MYCT1: variants seen among roughly 807,000 people sequenced by gnomAD.
The protein encoded by MYCT1 is MYC target 1, also known as myc target protein 1.
MYCT1 carries 12 observed loss-of-function variants against 15.0 expected under a neutral mutation model. The ratio of observed to expected loss-of-function variants is 0.80; its 90% CI spans 0.51 to 1.29. The LOEUF is 1.29. MYCT1 is among the 50% of genes most tolerant of loss of function. The pLI, the probability that MYCT1 is intolerant of heterozygous loss-of-function variation, is 0.00. For missense variants in MYCT1, 287 were observed against 279.1 expected (o/e 1.03, Z -0.20); for synonymous variants, 104 against 102.7 (o/e 1.01, Z -0.07).
downstream of MYCT1, among the ~76,000 whole-genome samples, chr6:152,727,855 G>C (rs955461658): frequency 1.1e-4 from 16 of 151,622 alleles, no homozygotes; most frequent in Admixed American, 3.3e-4. Flanking sequence ...AGACTGGGGA[G>C]AGTCTTTATT....
intron 1 of MYCT1, among the ~76,000 whole-genome samples, chr6:152,701,777 G>A (rs2475783): frequency 0.23 from 34,549 of 152,052 alleles, 4,491 homozygotes; most frequent in South Asian, 0.36. Flanking sequence ...TTAGCTAACA[G>A]CATGGCTTTT....
At chr6:152,713,517 T>C (rs1286520183) in intron 1 of MYCT1, among the ~76,000 whole-genome samples, 1 of 152,170 alleles carries the variant, frequency 6.6e-6, no homozygotes. Flanking sequence ...AAGAGTGTTA[T>C]GATGTATGTT....
chr6:152,712,950 A>C (rs1477397985), intron 1 of MYCT1, among the ~76,000 whole-genome samples: 1 of 151,984 alleles, frequency 6.6e-6, no homozygotes, highest in Non-Finnish European at 1.5e-5. Flanking sequence ...AATTTGTTTC[A>C]CTAATTTTGA....
chr6:152,708,045 T>A (rs2099722614), intron 1 of MYCT1, among the ~76,000 whole-genome samples: 1 of 151,942 alleles, frequency 6.6e-6, no homozygotes, highest in South Asian at 2.1e-4. Context: ...TTGATTTAGT[T>A]ATATAAATTT....
chr6:152,713,998 A>AT (rs908574313), intron 1 of MYCT1, among the ~76,000 whole-genome samples: 1 of 151,406 alleles, frequency 6.6e-6, no homozygotes, highest in African/African-American at 2.4e-5. Context: ...TTTAGGTAGA[A>AT]TTTTTTTTTA....
At chr6:152,727,091 G>T (rs1337551208), downstream of MYCT1, among the ~76,000 whole-genome samples, 1 of 151,554 alleles carries the variant, frequency 6.6e-6, no homozygotes, top group Non-Finnish European at 1.5e-5. Context: ...GGCGCCTGTA[G>T]TCCCAGCTAC....
At chr6:152,731,732 A>G in the MYCT1 span, among the ~76,000 whole-genome samples, 1 of 147,882 alleles carries the variant, frequency 6.8e-6, no homozygotes, top group Non-Finnish European at 1.5e-5. Flanking sequence ...ATCACGAGTA[A>G]GCATCAGAGA....
At chr6:152,746,212 A>G in the MYCT1 span, among the ~76,000 whole-genome samples, 1 of 152,224 alleles carries the variant, frequency 6.6e-6, no homozygotes, top group African/African-American at 2.4e-5. Context: ...ACAGAGGGTG[A>G]TTGAGTTGAA....
downstream of MYCT1, among the ~76,000 whole-genome samples, chr6:152,728,494 G>A (rs191580447): frequency 1.3e-5 from 2 of 152,060 alleles, no homozygotes; most frequent in African/African-American, 4.8e-5. Flanking sequence ...ATCGTTGTAA[G>A]AAAGAAATTA....
At chr6:152,706,550 T>A (rs1157506524) in intron 1 of MYCT1, among the ~76,000 whole-genome samples, 6 of 152,120 alleles carry the variant, frequency 3.9e-5, no homozygotes, top group Non-Finnish European at 7.4e-5. Flanking sequence ...TAGACAAATA[T>A]CCAATTATGT....
chr6:152,705,898 C>T lies in MYCT1; in HGVS notation c.196+7800C>T. 3 of 753,012 alleles carry T rather than the reference C, an allele frequency of 4.0e-6. No homozygotes were observed. The South Asian group carries it at 4.2e-5, about 11-fold the overall frequency. 46.6% of individuals were successfully genotyped at this position (753,012 alleles called of 1,614,324 possible). A position where few individuals can be genotyped will look rare whatever the true frequency, so the allele number is the denominator to read the frequency against. On this transcript the variant is annotated intron_variant, in intron 1 of 1. Coordinates refer to ENST00000367245, the MANE Select transcript of MYCT1 (RefSeq NM_025107.3). Reference sequence around the variant, plus strand: ...ATTGTTGAGAAAATTATGCAAAGTTCCTCAGAAGTTGGTTACGATGCTATG... The same window carrying T: ...ATTGTTGAGAAAATTATGCAAAGTTTCTCAGAAGTTGGTTACGATGCTATG...
the MYCT1 span, among the ~76,000 whole-genome samples, chr6:152,739,774 A>G: frequency 1.3e-5 from 2 of 152,224 alleles, no homozygotes; most frequent in Admixed American, 6.5e-5. Flanking sequence ...AATTTGAAAT[A>G]TTTTTTTAAA....
rs763288846 is a variant in MYCT1, at chr6:152,722,126, C to T, written c.581C>T (p.Pro194Leu). The T allele has an allele frequency of 3.7e-6, 6 of 1,614,052 alleles. No individual in the cohort carries two copies. The African/African-American group carries it at 8.0e-5, about 22-fold the overall frequency. ...LVTLPSSNIS[P>L]TISTSHSLSR... The stretch of plus-strand genomic sequence containing the variant: ...ACTCTCCCTTCTTCCAATATCTCTC[C>T]CACCATCAGCACTTCCCACAGTCTG... Residue 194 changes from proline (P) to leucine (L), a missense_variant, in exon 2 of 2, where the codon CCC becomes CTC. By Grantham distance (98) the Pro-to-Leu change is moderately conservative. Coordinates refer to ENST00000367245, the MANE Select transcript of MYCT1 (RefSeq NM_025107.3).
chr6:152,741,940 T>A, the MYCT1 span, among the ~76,000 whole-genome samples: 1 of 152,168 alleles, frequency 6.6e-6, no homozygotes, highest in African/African-American at 2.4e-5. Context: ...GAAAGAAGTA[T>A]TGAACATTGG....
Position 152,723,970 on chromosome 6 carries a change from G to A in MYCT1, c.*1717G>A, listed in dbSNP as rs2099725173. The A allele has an allele frequency of 6.6e-6, 1 of 152,126 alleles. No individual in the cohort carries two copies. The highest frequency in any genetic ancestry group is 1.5e-5 in the Non-Finnish European group (1 of 68,038). 9.4% of individuals were successfully genotyped at this position (152,126 alleles called of 1,614,324 possible). On this transcript the variant is annotated 3_prime_UTR_variant, in exon 2 of 2. Coordinates refer to ENST00000367245, the MANE Select transcript of MYCT1 (RefSeq NM_025107.3). ...ATGGTTCAAGAATAAGAGATTCCAT[G>A]TAGCATTTTCTTTATTATTTTCATT...
At chr6:152,728,099 G>A (rs115630677), downstream of MYCT1, among the ~76,000 whole-genome samples, 937 of 151,872 alleles carry the variant, frequency 6.2e-3, 10 homozygotes, top group African/African-American at 0.021. Flanking sequence ...AGAAGGCAGA[G>A]GTTGCAATGA....
downstream of MYCT1, among the ~76,000 whole-genome samples, chr6:152,725,519 C>G (rs2099725503): frequency 6.6e-6 from 1 of 152,300 alleles, no homozygotes; most frequent in East Asian, 1.9e-4. Flanking sequence ...CTCCTGGCTT[C>G]AAGAGATCCG....
chr6:152,734,235 G>A, the MYCT1 span, among the ~76,000 whole-genome samples: 1 of 152,058 alleles, frequency 6.6e-6, no homozygotes, highest in Admixed American at 6.6e-5. Context: ...ATGGTTAAAA[G>A]GTTCCCACAT....
intron 1 of MYCT1, among the ~76,000 whole-genome samples, chr6:152,706,978 G>C (rs1386834362): frequency 6.6e-6 from 1 of 152,030 alleles, no homozygotes; most frequent in Non-Finnish European, 1.5e-5. Context: ...ACATGGAAGT[G>C]CAGATATCTC....
Sources: gnomAD v4.1 joint callset for allele counts (sites outside exome capture counted in the v4.1 genomes callset) on GRCh38, gnomAD v4.1.1 for gene constraint, MANE v1.5 for transcripts, NCBI Gene and HGNC (gene_info 2026-07-23, HGNC 2026-07-21) for gene names.